DLG2: variants seen among roughly 807,000 people sequenced by gnomAD.
The protein encoded by DLG2 is discs large MAGUK scaffold protein 2.
A neutral mutation model predicts 132.5 loss-of-function variants in DLG2; 45 were observed. The observed-to-expected ratio is 0.34, with a 90% CI of 0.27 to 0.44. The LOEUF (loss-of-function observed/expected upper bound fraction) is 0.44, where lower values mean the gene tolerates loss of function less well. Among genes scored for constraint, DLG2 ranks in the 20% least tolerant of loss-of-function variants. DLG2 has a pLI of 1.00. For missense variants in DLG2, 1,045 were observed against 1,196.9 expected (o/e 0.87, Z 1.87); for synonymous variants, 424 against 419.6 (o/e 1.01, Z -0.13).
chr11:84,528,270 G>A (rs1010347936), intron 7 of DLG2, among the ~76,000 whole-genome samples: 8 of 152,072 alleles, frequency 5.3e-5, no homozygotes, highest in Non-Finnish European at 1.0e-4. Context: ...TTGAGGAAAG[G>A]AAAACAAATT....
intron 18 of DLG2, chr11:83,651,691 A>T: frequency 3.1e-6 from 1 of 325,118 alleles, no homozygotes; most frequent in Admixed American, 3.7e-5. Flanking sequence ...ATTCTAGTTA[A>T]ATTACTAACC....
chr11:83,778,769 A>G (rs1200594966), intron 18 of DLG2, among the ~76,000 whole-genome samples: 8 of 152,124 alleles, frequency 5.3e-5, no homozygotes. Context: ...ATGATTAATT[A>G]TTAAGGAATC....
intron 6 of DLG2, among the ~76,000 whole-genome samples, chr11:84,549,071 G>T (rs146181782): frequency 6.6e-6 from 1 of 152,188 alleles, no homozygotes; most frequent in African/African-American, 2.4e-5. Context: ...TCTAGTCCTG[G>T]AAAGGGTTTA....
intron 8 of DLG2, among the ~76,000 whole-genome samples, chr11:84,244,531 T>C (rs900078726): frequency 6.6e-6 from 1 of 152,186 alleles, no homozygotes; most frequent in Admixed American, 6.5e-5. Context: ...CTGCTGATTG[T>C]GGCAGTTGAG....
intron 4 of DLG2, among the ~76,000 whole-genome samples, chr11:85,174,640 C>T (rs2079095584): frequency 6.6e-6 from 1 of 151,978 alleles, no homozygotes; most frequent in South Asian, 2.1e-4. Flanking sequence ...GAGACAGAGA[C>T]ATGAAAAACC....
rs143891028 is a variant in DLG2 at position 83,665,818 on chromosome 11, T to G, written c.1826-32493A>C. On this transcript the variant is annotated intron_variant, in intron 18 of 27. Transcript: ENST00000376104. The stretch of plus-strand genomic sequence containing the variant: ...ATTTTTTTTTTTAGAGAACGGGGAA[T>G]GCGTTACAATAGGAGCATGAGATTG... Among the ~76,000 whole-genome samples, 91 of 152,186 alleles carry G rather than the reference T, an allele frequency of 6.0e-4. No individual in the cohort carries two copies. In the East Asian group the frequency reaches 0.014, roughly 23 times the overall value.
At chr11:85,052,220 G>A (rs773077640) in intron 6 of DLG2, among the ~76,000 whole-genome samples, 7 of 152,124 alleles carry the variant, frequency 4.6e-5, no homozygotes, top group East Asian at 1.9e-4. Flanking sequence ...AAAATCAGAC[G>A]AGCATGGGAA....
chr11:84,967,286 A>C (rs1194217140), intron 6 of DLG2, among the ~76,000 whole-genome samples: 1 of 152,158 alleles, frequency 6.6e-6, no homozygotes, highest in Non-Finnish European at 1.5e-5. Flanking sequence ...AGGTCATTTC[A>C]TAAATGAAAT....
intron 3 of DLG2, among the ~76,000 whole-genome samples, chr11:85,568,233 A>G (rs1590868430): frequency 1.3e-5 from 2 of 151,894 alleles, no homozygotes; most frequent in African/African-American, 4.8e-5. Context: ...CAGGCTGGTC[A>G]TGAACTCCTG....
At chr11:85,203,240 G>A (rs2152556440) in intron 4 of DLG2, among the ~76,000 whole-genome samples, 1 of 151,482 alleles carries the variant, frequency 6.6e-6, no homozygotes, top group African/African-American at 2.4e-5. Context: ...TCAATGAGAT[G>A]AAAATCTGGT....
At chr11:84,114,031 A>T (rs1260964132) in intron 9 of DLG2, among the ~76,000 whole-genome samples, 1 of 152,096 alleles carries the variant, frequency 6.6e-6, no homozygotes, top group Non-Finnish European at 1.5e-5. Flanking sequence ...AAGATTTCGA[A>T]AATGTAAAAC....
chr11:84,291,028 C>T (rs141618877), intron 7 of DLG2, among the ~76,000 whole-genome samples: 2 of 152,228 alleles, frequency 1.3e-5, no homozygotes, highest in African/African-American at 4.8e-5. Context: ...ATTTGGCATA[C>T]ATTATACATT....
At chr11:83,720,325 A>AAAAAAAAAAAAAAAAAAAAC (rs2088124602) in intron 18 of DLG2, among the ~76,000 whole-genome samples, 1 of 147,144 alleles carries the variant, frequency 6.8e-6, no homozygotes, top group African/African-American at 2.5e-5. Context: ...AAAAAAAAAA[A>AAAAAAAAAAAAAAAAAAAAC]AGAATGACAT....
At chr11:84,423,260 T>C (rs2098956331) in intron 7 of DLG2, among the ~76,000 whole-genome samples, 1 of 152,156 alleles carries the variant, frequency 6.6e-6, no homozygotes. Flanking sequence ...AAATTTTATA[T>C]TATGTTTATA....
chr11:84,417,630 T>C (rs1770157941), intron 7 of DLG2, among the ~76,000 whole-genome samples: 1 of 152,126 alleles, frequency 6.6e-6, no homozygotes, highest in Non-Finnish European at 1.5e-5. Context: ...CCCTGACCCA[T>C]GCCCATCTTC....
chr11:83,632,520 AG>A (rs1411477269), intron 19 of DLG2: 1 of 152,232 alleles, frequency 6.6e-6, no homozygotes, highest in African/African-American at 2.4e-5. Flanking sequence ...TAATACAGGA[AG>A]CTTGTCTTGG....
At chr11:84,517,517 A>T (rs1424192943) in intron 7 of DLG2, among the ~76,000 whole-genome samples, 2 of 152,002 alleles carry the variant, frequency 1.3e-5, no homozygotes, top group Non-Finnish European at 2.9e-5. Flanking sequence ...AGGATGTGGA[A>T]AAAAGGGAGC....
chr11:84,709,722 C>T (rs982427448), intron 6 of DLG2, among the ~76,000 whole-genome samples: 1 of 151,888 alleles, frequency 6.6e-6, no homozygotes, highest in African/African-American at 2.4e-5. Context: ...TTCTCTCCCC[C>T]TCTTCCTCCC....
chr11:85,077,236 G>A (rs959232527), intron 6 of DLG2, among the ~76,000 whole-genome samples: 1 of 151,998 alleles, frequency 6.6e-6, no homozygotes, highest in African/African-American at 2.4e-5. Flanking sequence ...AGGTGTTGTG[G>A]TTAGGGTTAG....
Sources: gnomAD v4.1 joint callset for allele counts (sites outside exome capture counted in the v4.1 genomes callset) on GRCh38, gnomAD v4.1.1 for gene constraint, MANE v1.5 for transcripts, NCBI Gene and HGNC (gene_info 2026-07-23, HGNC 2026-07-21) for gene names.